The following ZNHIT6 variants were observed in gnomAD, a reference collection of about 807,000 sequenced individuals.
ZNHIT6 encodes box C/D snoRNA protein 1.
In ZNHIT6, 45 loss-of-function variants were observed where a neutral mutation model predicts 57.2. That is an observed-to-expected ratio of 0.79 (90% CI 0.62 to 1.01). The LOEUF (loss-of-function observed/expected upper bound fraction) is 1.01, where lower values mean the gene tolerates loss of function less well. Ranked by LOEUF, ZNHIT6 falls within the 50% of genes least tolerant of loss-of-function variation. The probability of loss-of-function intolerance (pLI) is 0.00; values close to 1 mark genes in which losing one functional copy is unlikely to be tolerated. For synonymous variants in ZNHIT6, 188 were observed against 190.0 expected (o/e 0.99, Z 0.09); for missense variants, 528 against 567.3 (o/e 0.93, Z 0.70).
chr1:85,657,775 T>A (rs1299928041), intron 9 of ZNHIT6, 72 bp downstream of exon 9: 23 of 1,416,502 alleles, frequency 1.6e-5, no homozygotes, highest in Non-Finnish European at 2.1e-5. Flanking sequence ...TATAAAGAAA[T>A]AAGGGTGGAC....
At chr1:85,695,019 T>A (rs1662325596) in intron 5 of ZNHIT6, among the ~76,000 whole-genome samples, 1 of 152,070 alleles carries the variant, frequency 6.6e-6, no homozygotes, top group Non-Finnish European at 1.5e-5. Context: ...ATCCCAGCAC[T>A]TTGGGAGGCT....
chr1:85,701,829 A>G (rs1414717027), intron 5 of ZNHIT6, among the ~76,000 whole-genome samples: 1 of 152,158 alleles, frequency 6.6e-6, no homozygotes, highest in Non-Finnish European at 1.5e-5. Flanking sequence ...GAAATGCCCA[A>G]TATCAAACTC....
At chr1:85,663,076 A>G in intron 8 of ZNHIT6, among the ~76,000 whole-genome samples, 1 of 152,168 alleles carries the variant, frequency 6.6e-6, no homozygotes, top group Non-Finnish European at 1.5e-5. Flanking sequence ...TAACTCCACA[A>G]GGAGACTCAG....
chr1:85,687,307 A>AAAAAAAAAAAAAAATT (rs1557861217), intron 5 of ZNHIT6, among the ~76,000 whole-genome samples: 1 of 145,648 alleles, frequency 6.9e-6, no homozygotes, highest in Non-Finnish European at 1.5e-5. Context: ...AACAAAAAAA[A>AAAAAAAAAAAAAAATT]AAAACAATTT....
intron 8 of ZNHIT6, among the ~76,000 whole-genome samples, chr1:85,673,735 GAATGTACTTTCCTTTAAGGATGTAACTGT>G (rs68061652): frequency 0.33 from 50,658 of 151,556 alleles, 8,719 homozygotes; most frequent in East Asian, 0.48. Context: ...GATGTTCTCT[GAATGTACTTTCCTTTAAGGATGTAACTGT>G]AATGTACTTT....
At position 85,660,857 on chromosome 1, in the gene ZNHIT6, T is replaced by C. The variant is rs146361326; in HGVS notation, c.1248-2886A>G. Reference sequence around the variant, plus strand: ...GATAAATTATTTTAAAAATATTTTATGCAATGAAAATCTGGTATGTTGTGT... The same window carrying C: ...GATAAATTATTTTAAAAATATTTTACGCAATGAAAATCTGGTATGTTGTGT... On this transcript the variant is annotated intron_variant, in intron 8 of 9. Coordinates refer to ENST00000370574, the MANE Select transcript of ZNHIT6 (RefSeq NM_017953.4). Among the ~76,000 whole-genome samples the C allele has an allele frequency of 7.4e-3, 1,128 of 152,304 alleles. 12 individuals are homozygous for C. The highest frequency in any genetic ancestry group is 0.026 in the African/African-American group (1,071 of 41,574).
chr1:85,667,816 C>G (rs1049671014), intron 8 of ZNHIT6, among the ~76,000 whole-genome samples: 5 of 150,034 alleles, frequency 3.3e-5, no homozygotes, highest in African/African-American at 1.2e-4. Context: ...TGCCTGTGAT[C>G]CCAGCTACTT....
intron 8 of ZNHIT6, among the ~76,000 whole-genome samples, chr1:85,671,507 A>T (rs1661556308): frequency 6.6e-6 from 1 of 152,048 alleles, no homozygotes; most frequent in African/African-American, 2.4e-5. Flanking sequence ...AGAAGCTGTT[A>T]AACAAATAAA....
At chr1:85,687,107 T>C (rs2100693677) in intron 5 of ZNHIT6, among the ~76,000 whole-genome samples, 1 of 150,568 alleles carries the variant, frequency 6.6e-6, no homozygotes, top group East Asian at 2.0e-4. Context: ...CCACCTCTAC[T>C]AAAAATACAA....
chr1:85,690,990 C>T (rs1662200519), intron 5 of ZNHIT6, among the ~76,000 whole-genome samples: 1 of 152,170 alleles, frequency 6.6e-6, no homozygotes, highest in South Asian at 2.1e-4. Flanking sequence ...CGTGCCACTG[C>T]ACTCCAGCCT....
chr1:85,667,406 A>G (rs1661397581), intron 8 of ZNHIT6, among the ~76,000 whole-genome samples: 1 of 152,136 alleles, frequency 6.6e-6, no homozygotes, highest in African/African-American at 2.4e-5. Flanking sequence ...AAACTTATTC[A>G]GGGCCTTCAC....
intron 8 of ZNHIT6, among the ~76,000 whole-genome samples, chr1:85,668,778 T>A (rs2773131): frequency 0.85 from 129,051 of 152,010 alleles, 55,134 homozygotes; most frequent in East Asian, 0.95. Flanking sequence ...AATGTGATTT[T>A]AAAAAAATCC....
intron 8 of ZNHIT6, among the ~76,000 whole-genome samples, chr1:85,671,841 T>C (rs1353988891): frequency 6.6e-6 from 1 of 152,212 alleles, no homozygotes; most frequent in Non-Finnish European, 1.5e-5. Flanking sequence ...ATGTACATTT[T>C]TGCATAAGAG....
intron 1 of ZNHIT6, 59 bp from the exon 2 acceptor site, chr1:85,706,566 C>T: frequency 7.2e-7 from 1 of 1,382,606 alleles, no homozygotes; most frequent in Non-Finnish European, 9.6e-7. Flanking sequence ...TATTTATAAA[C>T]TTAGAATTCC....
rs1660921508 is a variant in ZNHIT6, at chr1:85,651,901, A to G, written c.*2157T>C. Reference sequence around the variant, plus strand: ...TGGTAATTCACTAAAACACACGTGTATTGTAAATCTTACGGGAAAAAATAT... The same window carrying G: ...TGGTAATTCACTAAAACACACGTGTGTTGTAAATCTTACGGGAAAAAATAT... On this transcript the variant is annotated 3_prime_UTR_variant, in exon 10 of 10. Transcript: ENST00000370574. 1 of 152,228 alleles carries G rather than the reference A, an allele frequency of 6.6e-6. No homozygotes were observed. Among genetic ancestry groups the G allele is most frequent in the Non-Finnish European group, 1.5e-5 (1 of 68,036 alleles). The allele number at this position is 152,228 out of a possible 1,614,324, so 9.4% of individuals were successfully genotyped here.
At position 85,657,897 on chromosome 1, in the gene ZNHIT6, A is replaced by G. The variant is rs1031565550; in HGVS notation, c.1322T>C (p.Leu441Ser). The G allele has an allele frequency of 1.9e-6, 3 of 1,606,710 alleles. No homozygotes were observed. In the African/African-American group the frequency reaches 4.0e-5, roughly 21 times the overall value. ...RNKVIIEYPT[L>S]HVVLKGSNND... Reference sequence around the variant, plus strand: ...ATTGGATCCTTTCAATACCACATGTAATGTTGGATACTCAATGATCACTTT... The same window carrying G: ...ATTGGATCCTTTCAATACCACATGTGATGTTGGATACTCAATGATCACTTT... Residue 441 changes from leucine to serine, a missense_variant, in exon 9 of 10, where the codon TTA becomes TCA. Leu to Ser is a moderately radical substitution (Grantham distance 145, BLOSUM62 -2). Transcript: ENST00000370574.
At chr1:85,679,575 T>TTC (rs1459630196) in intron 6 of ZNHIT6, among the ~76,000 whole-genome samples, 1 of 149,550 alleles carries the variant, frequency 6.7e-6, no homozygotes, top group Non-Finnish European at 1.5e-5. Context: ...TTTTTTTTTT[T>TTC]TTTTTTAATT....
chr1:85,678,740 T>C lies in ZNHIT6; in HGVS notation c.1130A>G (p.Tyr377Cys). The change falls in exon 7 of 10, where the codon TAC (tyrosine) becomes TGC (cysteine). Residue 377 changes from tyrosine (Y) to cysteine (C), a missense_variant. Tyr to Cys is a radical substitution (Grantham distance 194). Transcript: ENST00000370574. ...DKTINEILKP[Y>C]IDPEKSDPVI... ...AGGATCAGACTTTTCAGGATCAATG[T>C]AAGGTTTTAGGATTTCATTAATAGT... 1 of 1,593,352 alleles carries C rather than the reference T, an allele frequency of 6.3e-7. No individual in the cohort carries two copies. The highest frequency in any genetic ancestry group is 8.5e-7 in the Non-Finnish European group (1 of 1,170,066).
At chr1:85,667,985 T>TATATATATAA (rs1223836311) in intron 8 of ZNHIT6, among the ~76,000 whole-genome samples, 1 of 99,638 alleles carries the variant, frequency 1.0e-5, no homozygotes, top group African/African-American at 4.2e-5. Context: ...TATATATATA[T>TATATATATAA]GCTCTGCTTT....
Sources: gnomAD v4.1 joint callset for allele counts (sites outside exome capture counted in the v4.1 genomes callset) on GRCh38, gnomAD v4.1.1 for gene constraint, MANE v1.5 for transcripts, NCBI Gene and HGNC (gene_info 2026-07-23, HGNC 2026-07-21) for gene names.